Variants in WASF3 observed in about 807,000 individuals in gnomAD.
WASF3 encodes WASP family member 3.
A neutral mutation model predicts 46.6 loss-of-function variants in WASF3; 11 were observed. The ratio of observed to expected loss-of-function variants is 0.24; its 90% CI spans 0.15 to 0.39. WASF3 has a LOEUF of 0.39. Ranked by LOEUF, WASF3 falls within the 10% of genes least tolerant of loss-of-function variation. The pLI is 1.00. For synonymous variants in WASF3, 242 were observed against 259.7 expected, an observed-to-expected ratio of 0.93 and a Z score of 0.65; for missense variants, 576 against 669.8, an observed-to-expected ratio of 0.86 and a Z score of 1.55.
rs571710892 is a variant in WASF3 at position 26,578,313 on chromosome 13, A to G, written c.-109+20494A>G. Among the ~76,000 whole-genome samples, 6 of 152,332 alleles carry G rather than the reference A, an allele frequency of 3.9e-5. No homozygotes were observed. In the South Asian group the frequency reaches 6.2e-4, roughly 16 times the overall value. ...GTTGAAAAATTTTTCTTCTAAGTCT[A>G]GGAGTTTTTAATCACTGTGATAAGT... is the stretch of plus-strand genomic sequence containing the variant. On this transcript the variant is annotated intron_variant, in intron 1 of 9. Coordinates refer to ENST00000335327, the MANE Select transcript of WASF3 (RefSeq NM_006646.6).
At chr13:26,553,984 TTTC>T (rs1282818692), upstream of WASF3, among the ~76,000 whole-genome samples, 12 of 151,846 alleles carry the variant, frequency 7.9e-5, no homozygotes, top group South Asian at 2.1e-4. Context: ...CCCAAAACTT[TTTC>T]TTTTCTTTTC....
At chr13:26,683,424 C>T (rs527789475) in intron 9 of WASF3, among the ~76,000 whole-genome samples, 1 of 151,468 alleles carries the variant, frequency 6.6e-6, no homozygotes, top group East Asian at 1.9e-4. Flanking sequence ...TGCAGTGAGC[C>T]GTGGTCACGC....
chr13:26,665,043 A>G lies in WASF3; in HGVS notation c.149A>G (p.Asp50Gly). ...QLSSLSKHAE[D>G]IFGELFNEAN... ...TATTCTACAGGCAAACATGCTGAAGACATATTTGGTGAGTTGTTTAATGAG... is the reference window on the plus strand; with the variant it reads ...TATTCTACAGGCAAACATGCTGAAGGCATATTTGGTGAGTTGTTTAATGAG... The change falls in exon 4 of 10, where the codon GAC (aspartate) becomes GGC (glycine). Residue 50 changes from aspartate to glycine, a missense_variant. Asp to Gly is a moderately conservative substitution (Grantham distance 94). Transcript: ENST00000335327. 1 of 1,614,080 alleles carries G rather than the reference A, an allele frequency of 6.2e-7. No homozygotes were observed. The highest frequency in any genetic ancestry group is 8.5e-7 in the Non-Finnish European group (1 of 1,179,950).
At chr13:26,617,415 C>T (rs1312475005) in intron 2 of WASF3, among the ~76,000 whole-genome samples, 1 of 152,012 alleles carries the variant, frequency 6.6e-6, no homozygotes. Flanking sequence ...TTATTTTTAT[C>T]ACTCCTAGTT....
At chr13:26,552,656 T>TGAC in the WASF3 span, among the ~76,000 whole-genome samples, 9 of 151,864 alleles carry the variant, frequency 5.9e-5, no homozygotes, top group African/African-American at 2.2e-4. Context: ...ATGTCAAAAA[T>TGAC]GACAGTTATT....
chr13:26,577,377 G>A (rs1026487384), intron 1 of WASF3: 17 of 769,284 alleles, frequency 2.2e-5, no homozygotes, highest in East Asian at 4.9e-5. Context: ...CGCCAAATCC[G>A]GAAGAATATG....
chr13:26,682,304 C>T lies in WASF3; in HGVS notation c.984-303C>T, dbSNP rs1032653168. Among the ~76,000 whole-genome samples, 2 of 152,202 alleles carry T rather than the reference C, an allele frequency of 1.3e-5. No individual in the cohort carries two copies. The highest frequency in any genetic ancestry group is 1.9e-4 in the East Asian group (1 of 5,192). On this transcript the variant is annotated intron_variant, in intron 8 of 9. Transcript: ENST00000335327. The surrounding 1 kb of genome is among the most constrained non-coding windows in gnomAD (Gnocchi z 4.4). ...GATCCCAGTGTGAAGCCTTCACTGGCGCTGCCGTCCTGGCCTCTGCAGTCA... is the reference window on the plus strand; with the variant it reads ...GATCCCAGTGTGAAGCCTTCACTGGTGCTGCCGTCCTGGCCTCTGCAGTCA...
intron 3 of WASF3, among the ~76,000 whole-genome samples, chr13:26,652,667 A>C (rs1882347669): frequency 6.6e-6 from 1 of 152,194 alleles, no homozygotes; most frequent in Non-Finnish European, 1.5e-5. Context: ...ATAATGAGAT[A>C]ATTATAATCT....
At position 26,682,901 on chromosome 13, in the gene WASF3, G is replaced by A. The variant is rs535817138; in HGVS notation, c.1278G>A (p.Glu426=). The stretch of plus-strand genomic sequence containing the variant: ...CAATGCATGGCCCCCCAGTAGCTGA[G>A]GCGAAGCGGCAAGAGCCTGCACAGC... ...SSPMHGPPVA[E]AKRQEPAQPP... Residue 426 remains glutamate, a synonymous_variant, in exon 9 of 10, where the codon GAG becomes GAA. Transcript: ENST00000335327. The surrounding 1 kb of genome is among the most constrained non-coding windows in gnomAD (Gnocchi z 4.4). The A allele has an allele frequency of 1.2e-6, 2 of 1,611,280 alleles. No homozygotes were observed. The highest frequency in any genetic ancestry group is 4.5e-5 in the East Asian group (2 of 44,862).
chr13:26,564,900 G>GTTTTTTTTTTTTTT (rs66809412), intron 1 of WASF3, among the ~76,000 whole-genome samples: 14 of 81,634 alleles, frequency 1.7e-4, no homozygotes, highest in East Asian at 8.4e-4. Context: ...CAAGGTTGTG[G>GTTTTTTTTTTTTTT]TTTTTTTTTT....
Position 26,682,611 on chromosome 13 carries a change from C to A in WASF3, c.988C>A (p.Leu330Ile), listed in dbSNP as rs757976789. The change falls in exon 9 of 10, where the codon CTC (leucine) becomes ATC (isoleucine). Residue 330 changes from leucine (L) to isoleucine (I), a missense_variant. Leu to Ile is a conservative substitution (Grantham distance 5). Coordinates refer to ENST00000335327, the MANE Select transcript of WASF3 (RefSeq NM_006646.6). This position sits in a 1 kb window ranked among gnomAD's most constrained non-coding sequence, Gnocchi z 4.4. The stretch of plus-strand genomic sequence containing the variant: ...TGTGCCTCATATCTCTCTCAGGATG[C>A]TCCCAGCGCAGATAATTGAGTATTA... Reference protein sequence around the residue: ...APMAPADYGMLPAQIIEYYNP... With the variant: ...APMAPADYGMIPAQIIEYYNP... 3.7e-6 allele frequency: 6 copies of A among 1,614,134 alleles called. 1 individual carries two copies. The South Asian group carries it at 6.6e-5, about 18-fold the overall frequency.
At chr13:26,633,769 G>C (rs192142017) in intron 2 of WASF3, among the ~76,000 whole-genome samples, 40 of 152,284 alleles carry the variant, frequency 2.6e-4, no homozygotes, top group African/African-American at 7.9e-4. Context: ...TTCAGGAGCA[G>C]GTTGTTCAGT....
At chr13:26,580,940 T>TC in intron 1 of WASF3, among the ~76,000 whole-genome samples, 1 of 150,676 alleles carries the variant, frequency 6.6e-6, no homozygotes, top group East Asian at 2.0e-4. Context: ...TTCTTTTTTT[T>TC]TTTTTTTTAA....
intron 3 of WASF3, among the ~76,000 whole-genome samples, chr13:26,656,821 A>G (rs1882481357): frequency 6.6e-6 from 1 of 152,168 alleles, no homozygotes; most frequent in African/African-American, 2.4e-5. Flanking sequence ...TCCTTGTAAT[A>G]GTCCCATTAA....
At chr13:26,548,734 C>A in the WASF3 span, among the ~76,000 whole-genome samples, 1 of 152,158 alleles carries the variant, frequency 6.6e-6, no homozygotes, top group Middle Eastern at 3.2e-3. Context: ...TTCTCTGCAA[C>A]TTTCTCCAGC....
chr13:26,638,705 A>G (rs1460178704), intron 2 of WASF3: 2 of 152,222 alleles, frequency 1.3e-5, no homozygotes, highest in South Asian at 2.1e-4. Flanking sequence ...GTTAGAGACG[A>G]TAAAAGCTGT....
At chr13:26,648,510 AT>A (rs1283844361) in intron 3 of WASF3, among the ~76,000 whole-genome samples, 1 of 152,192 alleles carries the variant, frequency 6.6e-6, no homozygotes, top group Non-Finnish European at 1.5e-5. Flanking sequence ...CATGCGCTGA[AT>A]AACTTTCTTG....
Position 26,679,728 on chromosome 13 carries a change from A to G in WASF3, c.717-1326A>G, listed in dbSNP as rs1283043304. ...TAAATACAGGTCAGGTCCTTCCCCC[A>G]TTAAATATATTTTTAAGTCATTTGC... On this transcript the variant is annotated intron_variant, in intron 7 of 9. Coordinates refer to ENST00000335327, the MANE Select transcript of WASF3 (RefSeq NM_006646.6). The surrounding 1 kb of genome is among the most constrained non-coding windows in gnomAD (Gnocchi z 4.8). Among the ~76,000 whole-genome samples, 2 of 152,178 alleles carry G rather than the reference A, an allele frequency of 1.3e-5. No homozygotes were observed. The highest frequency in any genetic ancestry group is 4.8e-5 in the African/African-American group (2 of 41,444).
chr13:26,671,872 A>G lies in WASF3; in HGVS notation c.423A>G (p.Arg141=). 1 of 1,577,394 alleles carries G rather than the reference A, an allele frequency of 6.3e-7. No homozygotes were observed. Among genetic ancestry groups the G allele is most frequent in the Non-Finnish European group, 8.6e-7 (1 of 1,163,874 alleles). Residue 141 remains arginine, a splice_region_variant and synonymous_variant, in exon 6 of 10, where the codon AGA becomes AGG. Coordinates refer to ENST00000335327, the MANE Select transcript of WASF3 (RefSeq NM_006646.6). ...PPPLNILTPY[R]DDKKDGLKFY... ...TGACTTACAATACATTGATTTGTAG[A>G]GATGACAAGAAGGATGGGCTGAAGT...
Sources: gnomAD v4.1 joint callset for allele counts (sites outside exome capture counted in the v4.1 genomes callset) on GRCh38, gnomAD v4.1.1 for gene constraint, Gnocchi (gnomAD v3.1) non-coding constraint, MANE v1.5 for transcripts, NCBI Gene and HGNC (gene_info 2026-07-23, HGNC 2026-07-21) for gene names.